Variants in DGKB observed in about 807,000 individuals in gnomAD.
DGKB encodes diacylglycerol kinase beta.
DGKB carries 67 observed loss-of-function variants against 114.3 expected under a neutral mutation model. That is an observed-to-expected ratio of 0.59 (90% CI 0.48 to 0.72). The LOEUF is 0.72. Ranked by LOEUF, DGKB falls within the 30% of genes least tolerant of loss-of-function variation. The pLI is 0.00. For missense variants in DGKB, 907 were observed against 975.2 expected (o/e 0.93, Z 0.93); for synonymous variants, 398 against 323.1 (o/e 1.23, Z -2.49).
chr7:14,429,517 T>C (rs1038851768), intron 21 of DGKB, among the ~76,000 whole-genome samples: 1 of 152,214 alleles, frequency 6.6e-6, no homozygotes, highest in African/African-American at 2.4e-5. Flanking sequence ...AAGACATTCA[T>C]GATCACTTTT....
chr7:14,628,226 T>A (rs1288560364), intron 14 of DGKB, among the ~76,000 whole-genome samples: 2 of 152,074 alleles, frequency 1.3e-5, no homozygotes, highest in Non-Finnish European at 2.9e-5. Flanking sequence ...ACTCAAATCA[T>A]TGAATTTTGA....
intron 13 of DGKB, among the ~76,000 whole-genome samples, chr7:14,646,810 T>A (rs148581245): frequency 2.0e-5 from 3 of 151,812 alleles, no homozygotes; most frequent in African/African-American, 7.2e-5. Context: ...GAAATACCTA[T>A]GGGATAGAGC....
At chr7:14,891,893 T>C (rs1038196460) in intron 1 of DGKB, among the ~76,000 whole-genome samples, 3 of 151,296 alleles carry the variant, frequency 2.0e-5, no homozygotes, top group African/African-American at 7.3e-5. Context: ...TGAGAGATCA[T>C]AGACTTATTA....
intron 20 of DGKB, among the ~76,000 whole-genome samples, chr7:14,496,245 C>T (rs185373363): frequency 6.6e-6 from 1 of 151,658 alleles, no homozygotes; most frequent in African/African-American, 2.4e-5. Flanking sequence ...GAAGTAATGC[C>T]CATATGGTCA....
At chr7:14,721,651 T>C (rs1829188646) in intron 5 of DGKB, among the ~76,000 whole-genome samples, 1 of 152,172 alleles carries the variant, frequency 6.6e-6, no homozygotes, top group Admixed American at 6.5e-5. Flanking sequence ...AAAGCTTATA[T>C]AAAAGAAATA....
intron 1 of DGKB, among the ~76,000 whole-genome samples, chr7:14,876,568 G>C (rs1562789149): frequency 6.6e-6 from 1 of 152,114 alleles, no homozygotes; most frequent in Non-Finnish European, 1.5e-5. Context: ...AACTTCTTAG[G>C]TTTCTTAGAT....
At chr7:14,804,018 CAA>C (rs1562578565) in intron 2 of DGKB, among the ~76,000 whole-genome samples, 1 of 151,700 alleles carries the variant, frequency 6.6e-6, no homozygotes, top group African/African-American at 2.4e-5. Context: ...TTATACCACT[CAA>C]TAACTCATTT....
intron 23 of DGKB, among the ~76,000 whole-genome samples, chr7:14,334,391 TGTGTGC>T (rs780143374): frequency 0.012 from 969 of 83,500 alleles, 5 homozygotes; most frequent in African/African-American, 0.026. Flanking sequence ...TGTGTGTGTG[TGTGTGC>T]GCGCGCGTGT....
chr7:14,530,243 A>G (rs963529409), intron 20 of DGKB, among the ~76,000 whole-genome samples: 2 of 151,608 alleles, frequency 1.3e-5, no homozygotes, highest in Non-Finnish European at 3.0e-5. Flanking sequence ...AAAATTATAT[A>G]CACTGTTTTA....
intron 21 of DGKB, among the ~76,000 whole-genome samples, chr7:14,435,470 A>G (rs1204950625): frequency 1.3e-5 from 2 of 152,150 alleles, no homozygotes; most frequent in African/African-American, 4.8e-5. Context: ...CCCCTATGAA[A>G]GATGGGCTAT....
intron 23 of DGKB, among the ~76,000 whole-genome samples, chr7:14,194,261 A>G (rs1199194571): frequency 6.6e-6 from 1 of 152,186 alleles, no homozygotes; most frequent in Non-Finnish European, 1.5e-5. Context: ...CAACTTCTGT[A>G]GCACTATTTA....
At chr7:14,187,032 A>AT (rs1161618930) in intron 23 of DGKB, among the ~76,000 whole-genome samples, 1 of 152,222 alleles carries the variant, frequency 6.6e-6, no homozygotes, top group Non-Finnish European at 1.5e-5. Flanking sequence ...AAATAAATAA[A>AT]TAAATAAATG....
chr7:14,724,528 A>ATGGCAAAACATGAAACATAC lies in DGKB; in HGVS notation c.323-5844_323-5843insGTATGTTTCATGTTTTGCCA, dbSNP rs562584007. Among the ~76,000 whole-genome samples, 121 of 152,338 alleles carry ATGGCAAAACATGAAACATAC rather than the reference A, an allele frequency of 7.9e-4. No homozygotes were observed. In the East Asian group the frequency reaches 0.022, roughly 27 times the overall value. On this transcript the variant is annotated intron_variant, in intron 5 of 25. Transcript: ENST00000402815. ...TCTCTGAGAACATACTCTGGTTTTC[A>ATGGCAAAACATGAAACATAC]TCTGTTTGGACATTGGCAAAAACCC...
intron 21 of DGKB, among the ~76,000 whole-genome samples, chr7:14,400,811 T>A (rs1459530853): frequency 5.3e-5 from 8 of 151,794 alleles, no homozygotes; most frequent in Non-Finnish European, 2.9e-5. Flanking sequence ...GTTATAAGTA[T>A]CTTATTGAAA....
At chr7:14,560,658 G>A (rs1028363605) in intron 20 of DGKB, among the ~76,000 whole-genome samples, 4 of 152,168 alleles carry the variant, frequency 2.6e-5, no homozygotes, top group Non-Finnish European at 5.9e-5. Context: ...AAAGTGTGCT[G>A]CAATATACAT....
At chr7:14,774,911 G>A (rs1837932341) in intron 2 of DGKB, among the ~76,000 whole-genome samples, 1 of 152,062 alleles carries the variant, frequency 6.6e-6, no homozygotes, top group Admixed American at 6.6e-5. Flanking sequence ...TTGCTATTAA[G>A]CTGAAGTGGC....
At chr7:14,734,129 GGTTCAA>G (rs1458683812) in intron 5 of DGKB, among the ~76,000 whole-genome samples, 1 of 151,882 alleles carries the variant, frequency 6.6e-6, no homozygotes, top group Non-Finnish European at 1.5e-5. Context: ...CTGCTTCCTG[GGTTCAA>G]GTGATTCTCC....
intron 17 of DGKB, among the ~76,000 whole-genome samples, chr7:14,603,366 T>C (rs1292109738): frequency 6.6e-6 from 1 of 152,156 alleles, no homozygotes; most frequent in Admixed American, 6.6e-5. Context: ...TAAATTTTGA[T>C]GAACATTTCC....
intron 23 of DGKB, among the ~76,000 whole-genome samples, chr7:14,204,655 T>A (rs1396841646): frequency 6.6e-6 from 1 of 152,020 alleles, no homozygotes; most frequent in African/African-American, 2.4e-5. Flanking sequence ...AAGTGCCTAG[T>A]CAACTGGCTA....
Sources: gnomAD v4.1 joint callset for allele counts (sites outside exome capture counted in the v4.1 genomes callset) on GRCh38, gnomAD v4.1.1 for gene constraint, MANE v1.5 for transcripts, NCBI Gene and HGNC (gene_info 2026-07-23, HGNC 2026-07-21) for gene names.